The following CUX2 variants were observed in gnomAD, a reference collection of about 807,000 sequenced individuals.
CUX2 encodes homeobox protein cut-like 2.
Under a neutral mutation model 144.8 loss-of-function variants are expected in CUX2, and 40 were observed. That is an observed-to-expected ratio of 0.28 (90% CI 0.21 to 0.36). CUX2 has a LOEUF of 0.36. CUX2 is among the 10% of genes least tolerant of loss of function. CUX2 has a pLI of 1.00. For synonymous variants in CUX2, 827 were observed against 875.6 expected (o/e 0.94, Z 0.98); for missense variants, 1,615 against 1,994.0 (o/e 0.81, Z 3.62).
chr12:111,225,160 T>C (rs1438435520), intron 3 of CUX2, among the ~76,000 whole-genome samples: 3 of 152,164 alleles, frequency 2.0e-5, no homozygotes, highest in African/African-American at 7.2e-5. Flanking sequence ...ACCCACTTCA[T>C]AGGAGTGATG....
At chr12:111,075,761 G>A (rs971758984) in intron 1 of CUX2, among the ~76,000 whole-genome samples, 1 of 152,160 alleles carries the variant, frequency 6.6e-6, no homozygotes, top group Non-Finnish European at 1.5e-5. Flanking sequence ...TTACTGGGGA[G>A]GAATCCAAGG....
intron 3 of CUX2, among the ~76,000 whole-genome samples, chr12:111,254,883 G>A (rs899181240): frequency 6.6e-6 from 1 of 152,072 alleles, no homozygotes; most frequent in Non-Finnish European, 1.5e-5. Context: ...GGAGCCTTGC[G>A]CTGTCACCCA....
At chr12:111,325,299 A>G (rs1887722695) in intron 18 of CUX2, among the ~76,000 whole-genome samples, 1 of 83,730 alleles carries the variant, frequency 1.2e-5, no homozygotes, top group South Asian at 4.5e-4. Flanking sequence ...GTCTCAAAAG[A>G]AAAAAAAAAA....
chr12:111,133,421 G>A (rs1338025404), intron 1 of CUX2, among the ~76,000 whole-genome samples: 2 of 152,132 alleles, frequency 1.3e-5, no homozygotes, highest in Non-Finnish European at 2.9e-5. Context: ...GGAGGCAAAA[G>A]GCACTTCTTA....
intron 3 of CUX2, among the ~76,000 whole-genome samples, chr12:111,260,699 A>AT (rs1884073884): frequency 1.3e-5 from 2 of 152,158 alleles, no homozygotes; most frequent in East Asian, 3.9e-4. Flanking sequence ...ACTGGAAGAG[A>AT]TAAATCATGG....
chr12:111,229,815 G>A (rs1882370505), intron 3 of CUX2, among the ~76,000 whole-genome samples: 1 of 152,090 alleles, frequency 6.6e-6, no homozygotes, highest in Non-Finnish European at 1.5e-5. Flanking sequence ...GGGCTCAGGA[G>A]TTCAAGACCA....
intron 3 of CUX2, among the ~76,000 whole-genome samples, chr12:111,229,151 T>C (rs1034244953): frequency 6.6e-6 from 1 of 152,128 alleles, no homozygotes; most frequent in Admixed American, 6.6e-5. Context: ...CCCGGTGTAT[T>C]AACTAATTGT....
chr12:111,272,134 C>T (rs1884670095), intron 4 of CUX2, among the ~76,000 whole-genome samples: 1 of 152,090 alleles, frequency 6.6e-6, no homozygotes, highest in East Asian at 1.9e-4. Context: ...TTTGAACCAG[C>T]TGAAATATAA....
chr12:111,257,067 G>A (rs1408622335), intron 3 of CUX2, among the ~76,000 whole-genome samples: 1 of 152,128 alleles, frequency 6.6e-6, no homozygotes, highest in Admixed American at 6.5e-5. Context: ...TCATCCTCGG[G>A]GGACTAAACA....
At chr12:111,143,614 T>C (rs1369940560) in intron 1 of CUX2, among the ~76,000 whole-genome samples, 1 of 152,184 alleles carries the variant, frequency 6.6e-6, no homozygotes, top group African/African-American at 2.4e-5. Flanking sequence ...AAACCCAAAA[T>C]AGGGAGAGAA....
At chr12:111,301,340 C>G (rs1193406512) in intron 9 of CUX2, among the ~76,000 whole-genome samples, 1 of 152,076 alleles carries the variant, frequency 6.6e-6, no homozygotes, top group Non-Finnish European at 1.5e-5. Context: ...TAAGTTTGTA[C>G]TCTAGGCGAG....
chr12:111,337,656 T>A (rs190288725), intron 19 of CUX2, among the ~76,000 whole-genome samples: 1 of 152,342 alleles, frequency 6.6e-6, no homozygotes, highest in African/African-American at 2.4e-5. Flanking sequence ...CAAATTATCC[T>A]CCAACACGGT....
chr12:111,246,211 A>G lies in CUX2; in HGVS notation c.223-17550A>G, dbSNP rs1883273649. On this transcript the variant is annotated intron_variant, in intron 3 of 21. Transcript: ENST00000261726. The surrounding 1 kb of genome is among the most constrained non-coding windows in gnomAD (Gnocchi z 4.0). ...CCACTGGTGTGACACAGAGATTCAT[A>G]TAGTGAACGCCACCATCAGTGACAC... 6.6e-6 allele frequency among the ~76,000 whole-genome samples: 1 copy of G among 152,228 alleles called. No individual in the cohort carries two copies. The highest frequency in any genetic ancestry group is 1.5e-5 in the Non-Finnish European group (1 of 68,040).
chr12:111,044,221 T>C (rs1324268797), intron 1 of CUX2, among the ~76,000 whole-genome samples: 1 of 152,176 alleles, frequency 6.6e-6, no homozygotes, highest in Non-Finnish European at 1.5e-5. Context: ...TTGGGACATC[T>C]GCATAAGGCT....
In CUX2 at chr12:111,061,930, C is replaced by T. The variant is rs114440317; in HGVS notation, c.63+27690C>T. The stretch of plus-strand genomic sequence containing the variant: ...TGCCCCTGCCAATAAGACTTCAGCG[C>T]GTGCACTCCATCTGTGCCTCAGCTT... On this transcript the variant is annotated intron_variant, in intron 1 of 21. Coordinates refer to ENST00000261726, the MANE Select transcript of CUX2 (RefSeq NM_015267.4). This position sits in a 1 kb window ranked among gnomAD's most constrained non-coding sequence, Gnocchi z 4.2. 1.9e-3 allele frequency among the ~76,000 whole-genome samples: 296 copies of T among 152,304 alleles called. No individual in the cohort carries two copies. The highest frequency in any genetic ancestry group is 6.9e-3 in the African/African-American group (286 of 41,566).
At chr12:111,319,894 C>G (rs1319855895) in intron 16 of CUX2, 118 bp from the exon 17 acceptor site, 1 of 1,355,520 alleles carries the variant, frequency 7.4e-7, no homozygotes, top group Non-Finnish European at 9.5e-7. Context: ...TCCCCAGTTG[C>G]TGGACACAGA....
At chr12:111,191,039 G>A (rs1156974051) in intron 1 of CUX2, among the ~76,000 whole-genome samples, 5 of 152,146 alleles carry the variant, frequency 3.3e-5, no homozygotes, top group African/African-American at 1.2e-4. Flanking sequence ...AGGACAAACA[G>A]TAGAGGGGCA....
At chr12:111,212,342 G>A (rs1881280196) in intron 1 of CUX2, among the ~76,000 whole-genome samples, 1 of 152,134 alleles carries the variant, frequency 6.6e-6, no homozygotes, top group African/African-American at 2.4e-5. Context: ...GGAGTACCCT[G>A]TGCTTCGGCA....
chr12:111,143,218 C>G (rs1876449208), intron 1 of CUX2, among the ~76,000 whole-genome samples: 1 of 152,142 alleles, frequency 6.6e-6, no homozygotes, highest in African/African-American at 2.4e-5. Flanking sequence ...TGGTGCAAAT[C>G]CCTTCCAGCT....
Sources: allele counts gnomAD v4.1 joint callset (sites outside exome capture counted in the v4.1 genomes callset), GRCh38; gene constraint gnomAD v4.1.1; non-coding constraint Gnocchi (gnomAD v3.1); transcripts MANE v1.5; gene names NCBI Gene and HGNC (gene_info 2026-07-23, HGNC 2026-07-21).